Variants in EYS observed in about 807,000 individuals in gnomAD.
The protein encoded by EYS is EGF-like photoreceptor maintenance factor.
A neutral mutation model predicts 282.1 loss-of-function variants in EYS; 250 were observed. The observed-to-expected ratio is 0.89, with a 90% CI of 0.80 to 0.98. The LOEUF (loss-of-function observed/expected upper bound fraction) is 0.98, where lower values mean the gene tolerates loss of function less well. Among genes scored for constraint, EYS ranks in the 50% least tolerant of loss-of-function variants. The probability of loss-of-function intolerance (pLI) is 0.00; values close to 1 mark genes in which losing one functional copy is unlikely to be tolerated. For missense variants in EYS, 4,016 were observed against 3,709.0 expected (o/e 1.08, Z -2.15); for synonymous variants, 1,355 against 1,282.9 (o/e 1.06, Z -1.20).
rs3033931 is a variant in EYS, at chr6:64,989,799, TACACACACAC to T, written c.2259+7773_2259+7782del. The stretch of plus-strand genomic sequence containing the variant: ...ATATATAACATAGAATATATATTCA[TACACACACAC>T]ACACACACACACACACACACACACT... On this transcript the variant is annotated intron_variant, in intron 14 of 42. Transcript: ENST00000503581. Among the ~76,000 whole-genome samples, 298 of 140,130 alleles carry T rather than the reference TACACACACAC, an allele frequency of 2.1e-3. 3 individuals carry two copies. Among genetic ancestry groups the T allele is most frequent in the African/African-American group, 6.1e-3 (236 of 38,556 alleles). 91.9% of individuals were successfully genotyped at this position (140,130 alleles called of 152,430 possible).
intron 22 of EYS, among the ~76,000 whole-genome samples, chr6:64,798,496 C>T (rs1260495023): frequency 3.3e-5 from 5 of 151,330 alleles, no homozygotes; most frequent in Non-Finnish European, 5.9e-5. Flanking sequence ...GCACATGCGA[C>T]GGATGCCATG....
intron 31 of EYS, among the ~76,000 whole-genome samples, chr6:64,207,724 C>G (rs149107157): frequency 6.6e-6 from 1 of 152,010 alleles, no homozygotes; most frequent in Non-Finnish European, 1.5e-5. Context: ...GTGGTGCGAC[C>G]TCGGATCACT....
chr6:64,917,566 G>A (rs1768205827), intron 15 of EYS, among the ~76,000 whole-genome samples: 1 of 152,096 alleles, frequency 6.6e-6, no homozygotes, highest in South Asian at 2.1e-4. Flanking sequence ...GGAGATCAGT[G>A]GAGATGTTGG....
At chr6:64,971,080 C>G (rs1770277954) in intron 14 of EYS, among the ~76,000 whole-genome samples, 1 of 151,910 alleles carries the variant, frequency 6.6e-6, no homozygotes, top group African/African-American at 2.4e-5. Context: ...TAACTTAGAG[C>G]AAAATGAAGG....
chr6:63,874,849 T>G (rs1772923851), intron 35 of EYS, among the ~76,000 whole-genome samples: 1 of 152,224 alleles, frequency 6.6e-6, no homozygotes, highest in Non-Finnish European at 1.5e-5. Context: ...TGAAGTTGCT[T>G]ATCAGCCTAA....
chr6:64,221,548 A>G (rs1480707365), intron 31 of EYS, among the ~76,000 whole-genome samples: 1 of 152,156 alleles, frequency 6.6e-6, no homozygotes, highest in Non-Finnish European at 1.5e-5. Context: ...ATTCTGTTAT[A>G]GCAACAGAAA....
At chr6:64,834,334 T>C (rs1254928500) in intron 19 of EYS, among the ~76,000 whole-genome samples, 6 of 151,904 alleles carry the variant, frequency 3.9e-5, no homozygotes, top group Admixed American at 1.3e-4. Flanking sequence ...TTAAACATAT[T>C]AGCTTCATAG....
intron 1 of EYS, among the ~76,000 whole-genome samples, chr6:65,653,910 T>A (rs770352441): frequency 6.6e-6 from 1 of 151,984 alleles, no homozygotes; most frequent in African/African-American, 2.4e-5. Context: ...AGCAAAAATA[T>A]GTCTGTATCT....
intron 31 of EYS, among the ~76,000 whole-genome samples, chr6:64,141,516 TTA>T (rs201118248): frequency 1.3e-5 from 2 of 151,872 alleles, no homozygotes; most frequent in Admixed American, 6.6e-5. Context: ...TTTTTTATTT[TTA>T]TTTTTTTGCC....
intron 9 of EYS, 21 bp downstream of exon 9, chr6:65,353,437 A>C: frequency 1.2e-6 from 2 of 1,611,384 alleles, no homozygotes; most frequent in Non-Finnish European, 1.7e-6. Context: ...CAGATTGAAA[A>C]AAATTACATA....
At chr6:65,220,055 T>A (rs1766421105) in intron 12 of EYS, among the ~76,000 whole-genome samples, 1 of 152,166 alleles carries the variant, frequency 6.6e-6, no homozygotes, top group Admixed American at 6.5e-5. Flanking sequence ...CTCTCATCTA[T>A]AAGCCTCCAT....
chr6:65,428,868 T>A (rs1023755575), intron 5 of EYS, among the ~76,000 whole-genome samples: 1 of 152,032 alleles, frequency 6.6e-6, no homozygotes, highest in South Asian at 2.1e-4. Flanking sequence ...GGCACCAATA[T>A]GAAATTGTGG....
intron 5 of EYS, among the ~76,000 whole-genome samples, chr6:65,448,027 G>A (rs571928380): frequency 6.6e-6 from 1 of 152,188 alleles, no homozygotes; most frequent in East Asian, 1.9e-4. Context: ...AGATTACGAT[G>A]AAGTGTTGTT....
intron 31 of EYS, 118 bp downstream of exon 31, chr6:64,230,474 C>T (rs1321639637): frequency 1.8e-6 from 1 of 542,224 alleles, no homozygotes; most frequent in Non-Finnish European, 3.2e-6. Flanking sequence ...TAAAATTATA[C>T]AGCTGTTTCT....
chr6:64,998,082 A>G (rs1303768856), intron 13 of EYS, among the ~76,000 whole-genome samples: 5 of 152,210 alleles, frequency 3.3e-5, no homozygotes, highest in Admixed American at 6.5e-5. Context: ...TTTAGGTTTA[A>G]TAAACAAGAC....
chr6:64,760,809 A>G (rs1773133443), intron 22 of EYS, among the ~76,000 whole-genome samples: 1 of 152,104 alleles, frequency 6.6e-6, no homozygotes, highest in Non-Finnish European at 1.5e-5. Flanking sequence ...TTCGGTGGGA[A>G]CCCTACAAAG....
At chr6:64,830,536 C>A (rs979732669) in intron 19 of EYS, among the ~76,000 whole-genome samples, 1 of 151,802 alleles carries the variant, frequency 6.6e-6, no homozygotes, top group Non-Finnish European at 1.5e-5. Flanking sequence ...CCAGGTAATC[C>A]AGTAGGCCAG....
At chr6:64,355,835 C>A (rs1771805140) in intron 29 of EYS, among the ~76,000 whole-genome samples, 1 of 151,642 alleles carries the variant, frequency 6.6e-6, no homozygotes, top group South Asian at 2.1e-4. Context: ...GCAAGTGCCA[C>A]AGGAGAGGTC....
rs1266222781 is a variant in EYS at position 65,653,091 on chromosome 6, TAC to T, written c.-447-13201_-447-13200del. On this transcript the variant is annotated intron_variant, in intron 1 of 42. Coordinates refer to ENST00000503581, the MANE Select transcript of EYS (RefSeq NM_001142800.2). Reference sequence around the variant, plus strand: ...CTGAAAAAGTGGGAGCCACAAAGGATACACAGATTCTGGATACTACCTAATTC... The same window carrying T: ...CTGAAAAAGTGGGAGCCACAAAGGATACAGATTCTGGATACTACCTAATTC... 2.0e-5 allele frequency among the ~76,000 whole-genome samples: 3 copies of T among 151,970 alleles called. No individual in the cohort carries two copies. In the East Asian group the frequency reaches 5.8e-4, roughly 29 times the overall value.
Sources: allele counts gnomAD v4.1 joint callset (sites outside exome capture counted in the v4.1 genomes callset), GRCh38; gene constraint gnomAD v4.1.1; transcripts MANE v1.5; gene names NCBI Gene and HGNC (gene_info 2026-07-23, HGNC 2026-07-21).